MVB12B: variants seen among roughly 807,000 people sequenced by gnomAD.
The protein encoded by MVB12B is ESCRT-I complex subunit MVB12B.
MVB12B carries 16 observed loss-of-function variants against 41.6 expected under a neutral mutation model. The ratio of observed to expected loss-of-function variants is 0.38; its 90% CI spans 0.26 to 0.58. MVB12B has a LOEUF of 0.58. MVB12B is among the 20% of genes least tolerant of loss of function. The pLI, the probability that MVB12B is intolerant of heterozygous loss-of-function variation, is 0.62. For synonymous variants in MVB12B, 133 were observed against 139.7 expected, an observed-to-expected ratio of 0.95 and a Z score of 0.34; for missense variants, 274 against 380.2, an observed-to-expected ratio of 0.72 and a Z score of 2.32.
intron 7 of MVB12B, among the ~76,000 whole-genome samples, chr9:126,465,177 C>T (rs572645460): frequency 3.9e-5 from 6 of 152,150 alleles, no homozygotes; most frequent in Non-Finnish European, 5.9e-5. Flanking sequence ...ATTGCATCCT[C>T]GGGTTTAAAT....
chr9:126,432,421 C>G (rs959487936), intron 7 of MVB12B, among the ~76,000 whole-genome samples: 1 of 152,190 alleles, frequency 6.6e-6, no homozygotes, highest in African/African-American at 2.4e-5. Context: ...TTCTCTACCT[C>G]TGTCTCTCTC....
intron 6 of MVB12B, among the ~76,000 whole-genome samples, chr9:126,412,057 G>A (rs1237805893): frequency 6.6e-6 from 1 of 152,188 alleles, no homozygotes; most frequent in Non-Finnish European, 1.5e-5. Context: ...CAAACTGTCA[G>A]CAAGTGTGGG....
At chr9:126,446,042 G>GGTTCCTGA (rs1832758376) in intron 7 of MVB12B, among the ~76,000 whole-genome samples, 1 of 152,174 alleles carries the variant, frequency 6.6e-6, no homozygotes, top group Non-Finnish European at 1.5e-5. Flanking sequence ...TAATGGGAAT[G>GGTTCCTGA]CTTCTAGTGT....
intron 6 of MVB12B, among the ~76,000 whole-genome samples, chr9:126,412,386 T>G (rs186553406): frequency 3.7e-4 from 56 of 152,328 alleles, no homozygotes; most frequent in Non-Finnish European, 7.1e-4. Context: ...TTTTTGTTGC[T>G]TTTCATATTT....
At chr9:126,440,115 C>G (rs1832592490) in intron 7 of MVB12B, among the ~76,000 whole-genome samples, 1 of 152,194 alleles carries the variant, frequency 6.6e-6, no homozygotes, top group Non-Finnish European at 1.5e-5. Context: ...GTGAGTCCTG[C>G]AGACACTCGA....
chr9:126,391,709 A>G lies in MVB12B; in HGVS notation c.410-357A>G, dbSNP rs902917744. Among the ~76,000 whole-genome samples the G allele has an allele frequency of 2.0e-5, 3 of 152,216 alleles. No individual in the cohort carries two copies. The highest frequency in any genetic ancestry group is 7.2e-5 in the African/African-American group (3 of 41,454). ...GTATGTTTGAAGATTTCTGTAATAA[A>G]AAGAAAAGAAGTCCGTGTGGTGAAA... On this transcript the variant is annotated intron_variant, in intron 4 of 9. Coordinates refer to ENST00000361171, the MANE Select transcript of MVB12B (RefSeq NM_033446.3). The surrounding 1 kb of genome is among the most constrained non-coding windows in gnomAD (Gnocchi z 4.4).
intron 6 of MVB12B, among the ~76,000 whole-genome samples, chr9:126,404,569 G>A (rs528024365): frequency 6.4e-4 from 97 of 152,376 alleles, no homozygotes; most frequent in Non-Finnish European, 1.0e-3. Flanking sequence ...CCAGCAACTG[G>A]TGAATGAGGA....
At chr9:126,397,711 T>G (rs1831156163) in intron 6 of MVB12B, 1 of 841,150 alleles carries the variant, frequency 1.2e-6, no homozygotes, top group Non-Finnish European at 1.4e-6. Context: ...TTTTGGTTTT[T>G]GTGGGGTTTT....
intron 7 of MVB12B, among the ~76,000 whole-genome samples, chr9:126,451,566 C>T (rs1375104382): frequency 6.6e-6 from 1 of 152,114 alleles, no homozygotes; most frequent in Non-Finnish European, 1.5e-5. Flanking sequence ...AAGGCTGCAT[C>T]TCCCTATCCC....
intron 7 of MVB12B, among the ~76,000 whole-genome samples, chr9:126,452,904 GTTCT>G (rs1832911164): frequency 6.6e-6 from 1 of 152,150 alleles, no homozygotes; most frequent in African/African-American, 2.4e-5. Flanking sequence ...TTGCAGTCTA[GTTCT>G]TTCTCAGAAA....
chr9:126,482,879 C>T (rs138809158), intron 8 of MVB12B, among the ~76,000 whole-genome samples: 2 of 152,366 alleles, frequency 1.3e-5, no homozygotes, highest in Admixed American at 6.5e-5. Flanking sequence ...CTCAGTGCAG[C>T]GCCCCGCAGC....
intron 1 of MVB12B, among the ~76,000 whole-genome samples, chr9:126,338,473 A>G (rs1445150760): frequency 1.3e-5 from 2 of 152,174 alleles, no homozygotes; most frequent in Admixed American, 6.5e-5. Flanking sequence ...TCCACCAGCA[A>G]ATAAGATACT....
Position 126,481,523 on chromosome 9 carries a change from T to G in MVB12B, c.813+99T>G, listed in dbSNP as rs955349656. On this transcript the variant is annotated intron_variant, in intron 8 of 9. Coordinates refer to ENST00000361171, the MANE Select transcript of MVB12B (RefSeq NM_033446.3). ...GCACGCAGGGCTGTTCTGGCAGTAC[T>G]CACGCCCCTTCCCCTACCGGAATCT... is the stretch of plus-strand genomic sequence containing the variant. The G allele has an allele frequency of 2.7e-5, 23 of 865,452 alleles. No individual in the cohort carries two copies. The Admixed American group carries it at 4.3e-4, about 16-fold the overall frequency. The allele number at this position is 865,452 out of a possible 1,614,324, so 53.6% of individuals were successfully genotyped here. A position where few individuals can be genotyped will look rare whatever the true frequency, so the allele number is the denominator to read the frequency against.
chr9:126,493,388 CTG>C (rs1833773808), intron 9 of MVB12B, among the ~76,000 whole-genome samples: 3 of 152,134 alleles, frequency 2.0e-5, no homozygotes, highest in African/African-American at 7.2e-5. Context: ...TGATTCCGTT[CTG>C]CTCTGTTATT....
intron 6 of MVB12B, among the ~76,000 whole-genome samples, chr9:126,407,432 G>A (rs540707127): frequency 9.2e-5 from 14 of 152,252 alleles, no homozygotes; most frequent in African/African-American, 3.4e-4. Flanking sequence ...AATAGGACAC[G>A]TTCACTCTTC....
intron 9 of MVB12B, among the ~76,000 whole-genome samples, chr9:126,487,168 C>A (rs1833636801): frequency 1.3e-5 from 2 of 152,196 alleles, no homozygotes; most frequent in African/African-American, 4.8e-5. Context: ...GCCAACATTT[C>A]TTTTTCTGCA....
At chr9:126,426,017 CATGTGAAAATT>C (rs1342100963) in intron 7 of MVB12B, among the ~76,000 whole-genome samples, 1 of 152,154 alleles carries the variant, frequency 6.6e-6, no homozygotes, top group Non-Finnish European at 1.5e-5. Context: ...TATTTAGGGA[CATGTGAAAATT>C]ATATGAAAAT....
intron 7 of MVB12B, among the ~76,000 whole-genome samples, chr9:126,445,497 T>C (rs1832745021): frequency 6.6e-6 from 1 of 152,136 alleles, no homozygotes; most frequent in Non-Finnish European, 1.5e-5. Flanking sequence ...AGAGACAGGG[T>C]TTCACCATGT....
intron 1 of MVB12B, among the ~76,000 whole-genome samples, chr9:126,337,169 C>A (rs1033466857): frequency 6.6e-6 from 1 of 152,170 alleles, no homozygotes; most frequent in African/African-American, 2.4e-5. Context: ...CATTTTGCTT[C>A]CCCCTCCTCC....
Sources: gnomAD v4.1 joint callset for allele counts (sites outside exome capture counted in the v4.1 genomes callset) on GRCh38, gnomAD v4.1.1 for gene constraint, Gnocchi (gnomAD v3.1) non-coding constraint, MANE v1.5 for transcripts, NCBI Gene and HGNC (gene_info 2026-07-23, HGNC 2026-07-21) for gene names.